The following USP13 variants were observed in gnomAD, a reference collection of about 807,000 sequenced individuals.
The protein encoded by USP13 is ubiquitin specific peptidase 13, also known as ubiquitin carboxyl-terminal hydrolase 13.
USP13 carries 68 observed loss-of-function variants against 107.8 expected under a neutral mutation model. The ratio of observed to expected loss-of-function variants is 0.63; its 90% CI spans 0.52 to 0.77. USP13 has a LOEUF of 0.77. Ranked by LOEUF, USP13 falls within the 30% of genes least tolerant of loss-of-function variation. USP13 has a pLI of 0.00. For synonymous variants in USP13, 377 were observed against 389.5 expected, an observed-to-expected ratio of 0.97 and a Z score of 0.38; for missense variants, 945 against 1,093.3, an observed-to-expected ratio of 0.86 and a Z score of 1.91.
At chr3:179,776,296 T>C (rs968721416) in intron 19 of USP13, among the ~76,000 whole-genome samples, 2 of 152,108 alleles carry the variant, frequency 1.3e-5, no homozygotes, top group African/African-American at 4.8e-5. Context: ...TGGGCCAGAT[T>C]TGGCTAATGG....
At chr3:179,690,356 G>A in intron 3 of USP13, 55 bp downstream of exon 3, 1 of 1,427,756 alleles carries the variant, frequency 7.0e-7, no homozygotes, top group Non-Finnish European at 9.8e-7. Context: ...GTGTATATGT[G>A]CATACTCATG....
chr3:179,724,429 G>T (rs1230325537), intron 8 of USP13, among the ~76,000 whole-genome samples: 2 of 142,874 alleles, frequency 1.4e-5, no homozygotes, highest in Non-Finnish European at 3.0e-5. Context: ...CTGCACTCCA[G>T]CCTGGGCAAC....
rs759143793 is a variant in USP13, at chr3:179,764,182, A to G, written c.2259+14A>G. The G allele has an allele frequency of 6.5e-7, 1 of 1,541,386 alleles. No homozygotes were observed. Among genetic ancestry groups the G allele is most frequent in the South Asian group, 1.1e-5 (1 of 88,550 alleles). On this transcript the variant is annotated intron_variant, in intron 18 of 20. Coordinates refer to ENST00000263966, the MANE Select transcript of USP13 (RefSeq NM_003940.3). ...CTACGAGCAACGGTGAGCATGAGAGACTGTGTGTGTGTGTGTGTGTGTGTG... is the reference window on the plus strand; with the variant it reads ...CTACGAGCAACGGTGAGCATGAGAGGCTGTGTGTGTGTGTGTGTGTGTGTG...
At chr3:179,667,192 G>A (rs1468085308) in intron 1 of USP13, among the ~76,000 whole-genome samples, 2 of 152,116 alleles carry the variant, frequency 1.3e-5, no homozygotes, top group Non-Finnish European at 1.5e-5. Flanking sequence ...TGGGGTTGCC[G>A]AAGAGAGACA....
At chr3:179,734,772 C>G (rs1713928790) in intron 10 of USP13, among the ~76,000 whole-genome samples, 1 of 152,230 alleles carries the variant, frequency 6.6e-6, no homozygotes, top group South Asian at 2.1e-4. Flanking sequence ...AAATTTAAAT[C>G]AACAGACTTC....
chr3:179,727,963 TG>T (rs1713606464), intron 8 of USP13, among the ~76,000 whole-genome samples: 2 of 47,126 alleles, frequency 4.2e-5, no homozygotes, highest in African/African-American at 5.6e-5. Flanking sequence ...GGCGGCTGGC[TG>T]GGCGGGGGGC....
At chr3:179,720,814 T>C (rs938469108) in intron 7 of USP13, among the ~76,000 whole-genome samples, 10 of 151,394 alleles carry the variant, frequency 6.6e-5, no homozygotes, top group Non-Finnish European at 1.3e-4. Flanking sequence ...TTAAAATCTT[T>C]TTTTTTTTTT....
chr3:179,719,018 G>A (rs1440098756), intron 6 of USP13, among the ~76,000 whole-genome samples: 1 of 152,144 alleles, frequency 6.6e-6, no homozygotes, highest in Non-Finnish European at 1.5e-5. Flanking sequence ...GCCTCCCAAA[G>A]AAGATTCTGC....
chr3:179,735,234 C>T (rs555251921), intron 10 of USP13, among the ~76,000 whole-genome samples: 65 of 152,174 alleles, frequency 4.3e-4, no homozygotes, highest in African/African-American at 1.5e-3. Flanking sequence ...AAGGCAGGGC[C>T]GACTCTTGGT....
intron 10 of USP13, among the ~76,000 whole-genome samples, chr3:179,740,015 T>C (rs900625652): frequency 6.6e-6 from 1 of 152,136 alleles, no homozygotes; most frequent in Non-Finnish European, 1.5e-5. Context: ...ATTGTCCTAG[T>C]TTTAAGTAAA....
intron 8 of USP13, among the ~76,000 whole-genome samples, chr3:179,725,440 TG>T (rs1002588186): frequency 3.9e-5 from 6 of 152,206 alleles, no homozygotes; most frequent in African/African-American, 1.2e-4. Context: ...GTTTGGTTTA[TG>T]TCTTGTTTGT....
Position 179,657,696 on chromosome 3 carries a change from A to G in USP13, c.168+4303A>G, listed in dbSNP as rs569344795. On this transcript the variant is annotated intron_variant, in intron 1 of 20. Coordinates refer to ENST00000263966, the MANE Select transcript of USP13 (RefSeq NM_003940.3). ...GGAGAATCGCTTGAACCTGGGAGGC[A>G]GAGGTTGCAGTAAGCCGAGATTGCG... Among the ~76,000 whole-genome samples the G allele has an allele frequency of 6.6e-5, 9 of 136,664 alleles. No homozygotes were observed. The South Asian group carries it at 7.7e-4, about 12-fold the overall frequency. The allele number at this position is 136,664 out of a possible 152,430, so 89.7% of individuals were successfully genotyped here.
chr3:179,737,445 C>T (rs1228078427), intron 10 of USP13, among the ~76,000 whole-genome samples: 3 of 152,164 alleles, frequency 2.0e-5, no homozygotes, highest in African/African-American at 7.2e-5. Flanking sequence ...TTAATGAGTA[C>T]ATAAATGTTA....
chr3:179,728,464 G>A (rs1331920241), intron 8 of USP13, among the ~76,000 whole-genome samples: 2 of 150,350 alleles, frequency 1.3e-5, no homozygotes, highest in Non-Finnish European at 3.0e-5. Context: ...TAGATGGGAT[G>A]GCGGCCGGGC....
intron 1 of USP13, among the ~76,000 whole-genome samples, chr3:179,667,240 C>T (rs1002617569): frequency 2.0e-5 from 3 of 148,984 alleles, no homozygotes; most frequent in Middle Eastern, 3.2e-3. Flanking sequence ...CTCTCCCCAA[C>T]AGTGAAAGCT....
chr3:179,679,096 G>C (rs946424711), intron 1 of USP13, among the ~76,000 whole-genome samples: 7 of 152,100 alleles, frequency 4.6e-5, no homozygotes, highest in African/African-American at 1.7e-4. Flanking sequence ...TCCTCACTTA[G>C]AAATTCCAGA....
At chr3:179,708,611 CG>C (rs1479192752) in intron 5 of USP13, among the ~76,000 whole-genome samples, 161 bp from the exon 6 acceptor site, 2 of 152,174 alleles carry the variant, frequency 1.3e-5, no homozygotes, top group African/African-American at 4.8e-5. Flanking sequence ...CCACCACGCC[CG>C]GCCAACAATG....
chr3:179,761,148 C>T lies in USP13; in HGVS notation c.1985C>T (p.Ala662Val), dbSNP rs752679167. The T allele has an allele frequency of 1.9e-6, 3 of 1,614,110 alleles. No individual in the cohort carries two copies. The highest frequency in any genetic ancestry group is 2.5e-6 in the Non-Finnish European group (3 of 1,180,002). The stretch of plus-strand genomic sequence containing the variant: ...GATGAGTCATCAGTGATGCAGCTGG[C>T]CGAGATGGGTTTCCCGCTGGAAGCA... ...DIDESSVMQL[A>V]EMGFPLEACR... Residue 662 changes from alanine to valine, a missense_variant, in exon 17 of 21, where the codon GCC becomes GTC. Ala to Val is a moderately conservative substitution (Grantham distance 64). Transcript: ENST00000263966.
chr3:179,691,242 A>C (rs1290759282), intron 3 of USP13, among the ~76,000 whole-genome samples: 1 of 151,124 alleles, frequency 6.6e-6, no homozygotes, highest in Non-Finnish European at 1.5e-5. Context: ...CTTCATTCAG[A>C]TTTCATAATT....
Sources: allele counts gnomAD v4.1 joint callset (sites outside exome capture counted in the v4.1 genomes callset), GRCh38; gene constraint gnomAD v4.1.1; transcripts MANE v1.5; gene names NCBI Gene and HGNC (gene_info 2026-07-23, HGNC 2026-07-21).